AGR3: variants seen among roughly 807,000 people sequenced by gnomAD.
AGR3 encodes anterior gradient 3, protein disulphide isomerase family member.
A neutral mutation model predicts 24.5 loss-of-function variants in AGR3; 37 were observed. The observed-to-expected ratio is 1.51, with a 90% CI of 1.16 to 1.99. The LOEUF is 1.99. AGR3 is among the 30% of genes most tolerant of loss of function. The pLI, the probability that AGR3 is intolerant of heterozygous loss-of-function variation, is 0.00. For synonymous variants in AGR3, 75 were observed against 61.6 expected, an observed-to-expected ratio of 1.22 and a Z score of -1.02; for missense variants, 228 against 191.1, an observed-to-expected ratio of 1.19 and a Z score of -1.14.
intron 3 of AGR3, among the ~76,000 whole-genome samples, chr7:16,871,655 C>T (rs571438904): frequency 6.6e-5 from 10 of 152,234 alleles, no homozygotes; most frequent in Non-Finnish European, 1.0e-4. Flanking sequence ...CCAGCCTGGC[C>T]AACATGGTGA....
At chr7:16,869,502 A>G (rs1032106823) in intron 3 of AGR3, among the ~76,000 whole-genome samples, 1 of 151,984 alleles carries the variant, frequency 6.6e-6, no homozygotes, top group Non-Finnish European at 1.5e-5. Flanking sequence ...CCAAGGTAGG[A>G]GGATTGCTTG....
chr7:16,855,359 T>C (rs1562542170), downstream of AGR3, among the ~76,000 whole-genome samples: 1 of 152,064 alleles, frequency 6.6e-6, no homozygotes, highest in Non-Finnish European at 1.5e-5. Flanking sequence ...AAAGTAACTA[T>C]GATATACTTC....
At chr7:16,873,022 C>T (rs562225098) in intron 3 of AGR3, among the ~76,000 whole-genome samples, 2 of 152,174 alleles carry the variant, frequency 1.3e-5, no homozygotes, top group South Asian at 4.2e-4. Context: ...ATTAGTACAG[C>T]CATTATGCAA....
chr7:16,875,114 CAAAAA>C (rs58302584), intron 2 of AGR3, among the ~76,000 whole-genome samples: 271 of 135,178 alleles, frequency 2.0e-3, no homozygotes, highest in Non-Finnish European at 1.8e-3. Flanking sequence ...GACTCCATCT[CAAAAA>C]AAAAAAAAAA....
At chr7:16,871,618 G>A (rs867982698) in intron 3 of AGR3, among the ~76,000 whole-genome samples, 9 of 152,132 alleles carry the variant, frequency 5.9e-5, no homozygotes, top group Admixed American at 1.3e-4. Flanking sequence ...TGAGGTGGAC[G>A]TATCACCTGA....
intron 2 of AGR3, among the ~76,000 whole-genome samples, chr7:16,876,761 T>G (rs903803138): frequency 6.6e-6 from 1 of 152,210 alleles, no homozygotes; most frequent in South Asian, 2.1e-4. Flanking sequence ...ACCTTTAAGT[T>G]GTTTAAAATA....
chr7:16,878,309 A>G (rs1782030111), intron 2 of AGR3, among the ~76,000 whole-genome samples: 1 of 152,180 alleles, frequency 6.6e-6, no homozygotes, highest in Non-Finnish European at 1.5e-5. Flanking sequence ...AATTTATGTT[A>G]TTGTTTGCTA....
At chr7:16,867,376 CTATT>C (rs1781778099) in intron 3 of AGR3, among the ~76,000 whole-genome samples, 1 of 151,972 alleles carries the variant, frequency 6.6e-6, no homozygotes, top group African/African-American at 2.4e-5. Context: ...TATCAATAAT[CTATT>C]TATTTATTTG....
intron 3 of AGR3, among the ~76,000 whole-genome samples, chr7:16,871,876 C>CACACACACACACACACACGCACAA (rs1225957867): frequency 2.6e-5 from 4 of 152,064 alleles, no homozygotes; most frequent in African/African-American, 9.6e-5. Context: ...CACACACACA[C>CACACACACACACACACACGCACAA]ACCTAGGAAT....
chr7:16,865,111 A>G, intron 3 of AGR3: 1 of 742,380 alleles, frequency 1.3e-6, no homozygotes, highest in Non-Finnish European at 2.4e-6. Flanking sequence ...ATTTTCCCCA[A>G]AGCTCGGAAG....
intron 2 of AGR3, 42 bp from the exon 3 acceptor site, chr7:16,873,885 G>C: frequency 6.9e-7 from 1 of 1,447,036 alleles, no homozygotes; most frequent in South Asian, 1.1e-5. Context: ...CCCAGAACTA[G>C]AGAAGAGCTC....
chr7:16,874,855 G>A lies in AGR3; in HGVS notation c.110-1012C>T, dbSNP rs148538515. Among the ~76,000 whole-genome samples, 24 of 152,230 alleles carry A rather than the reference G, an allele frequency of 1.6e-4. No individual in the cohort carries two copies. In the East Asian group the frequency reaches 4.6e-3, roughly 29 times the overall value. ...CTTTTGGCCAGGCATGGTGGCTCAT[G>A]ACTGTAATCCTAGCACTTTGTGAGA... is the stretch of plus-strand genomic sequence containing the variant. On this transcript the variant is annotated intron_variant, in intron 2 of 7. Transcript: ENST00000310398.
chr7:16,864,092 A>T (rs1194158370), intron 3 of AGR3, among the ~76,000 whole-genome samples: 1 of 152,168 alleles, frequency 6.6e-6, no homozygotes, highest in South Asian at 2.1e-4. Context: ...TTGATCTTCT[A>T]TTTACTTCAA....
intron 3 of AGR3, among the ~76,000 whole-genome samples, chr7:16,872,636 CAGCAAAGGAAACAAA>C (rs1781905704): frequency 6.6e-6 from 1 of 152,024 alleles, no homozygotes; most frequent in Admixed American, 6.6e-5. Context: ...AGCATCTGAA[CAGCAAAGGAAACAAA>C]AGCATAAGGG....
intron 2 of AGR3, among the ~76,000 whole-genome samples, chr7:16,878,177 A>C (rs1299848134): frequency 3.3e-5 from 5 of 152,168 alleles, no homozygotes; most frequent in South Asian, 2.1e-4. Flanking sequence ...ATTTTGAGGA[A>C]TCTTAAATTG....
intron 1 of AGR3, among the ~76,000 whole-genome samples, chr7:16,881,552 G>T (rs754583553): frequency 9.9e-5 from 15 of 152,106 alleles, no homozygotes; most frequent in Non-Finnish European, 2.1e-4. Flanking sequence ...CAATTAGATT[G>T]TATAAACATT....
chr7:16,859,515 C>A lies in AGR3; in HGVS notation c.*67G>T. ...ATATACTTGCACATTTAGTATTTGT[C>A]AATGTGCCAGAGGTTTTCTTCATGA... is the stretch of plus-strand genomic sequence containing the variant. On this transcript the variant is annotated 3_prime_UTR_variant, in exon 8 of 8. Coordinates refer to ENST00000310398, the MANE Select transcript of AGR3 (RefSeq NM_176813.5). 9.5e-7 allele frequency: 1 copy of A among 1,056,966 alleles called. No individual in the cohort carries two copies. 65.5% of individuals were successfully genotyped at this position (1,056,966 alleles called of 1,614,324 possible).
chr7:16,862,541 C>A, intron 4 of AGR3, 69 bp downstream of exon 4: 2 of 997,724 alleles, frequency 2.0e-6, no homozygotes, highest in South Asian at 2.6e-5. Context: ...CTATTATTAC[C>A]AGGTCACTTT....
intron 2 of AGR3, among the ~76,000 whole-genome samples, chr7:16,877,320 TTG>T (rs200721971): frequency 0.23 from 34,124 of 146,842 alleles, 4,931 homozygotes; most frequent in Non-Finnish European, 0.31. Flanking sequence ...AATATATAAT[TTG>T]TATGTTATAA....
Sources: allele counts gnomAD v4.1 joint callset (sites outside exome capture counted in the v4.1 genomes callset), GRCh38; gene constraint gnomAD v4.1.1; transcripts MANE v1.5; gene names NCBI Gene and HGNC (gene_info 2026-07-23, HGNC 2026-07-21).